The following CTNNA2 variants were observed in gnomAD, a reference collection of about 807,000 sequenced individuals.
CTNNA2 encodes catenin alpha-2.
In CTNNA2, 42 loss-of-function variants were observed where a neutral mutation model predicts 101.0. The observed-to-expected ratio is 0.42, with a 90% CI of 0.32 to 0.54. CTNNA2 has a LOEUF of 0.54. Ranked by LOEUF, CTNNA2 falls within the 20% of genes least tolerant of loss-of-function variation. CTNNA2 has a pLI of 0.14. For synonymous variants in CTNNA2, 450 were observed against 456.4 expected, an observed-to-expected ratio of 0.99 and a Z score of 0.18; for missense variants, 871 against 1,223.1, an observed-to-expected ratio of 0.71 and a Z score of 4.29.
intron 1 of CTNNA2, among the ~76,000 whole-genome samples, chr2:79,526,918 T>C (rs1672439104): frequency 6.6e-6 from 1 of 152,176 alleles, no homozygotes; most frequent in African/African-American, 2.4e-5. Context: ...TTAGTGACCT[T>C]GGATTAGGCA....
At chr2:79,961,238 C>G (rs148487550) in intron 7 of CTNNA2, among the ~76,000 whole-genome samples, 2 of 152,132 alleles carry the variant, frequency 1.3e-5, no homozygotes, top group Non-Finnish European at 2.9e-5. Flanking sequence ...TGGGCCTCTA[C>G]TATGTGCTGG....
chr2:79,587,033 T>C (rs544996666), intron 1 of CTNNA2, among the ~76,000 whole-genome samples: 3 of 152,322 alleles, frequency 2.0e-5, no homozygotes, highest in Non-Finnish European at 4.4e-5. Context: ...TATTCCATGA[T>C]GTATATATAC....
At chr2:79,665,638 T>C (rs1682363554) in intron 2 of CTNNA2, among the ~76,000 whole-genome samples, 1 of 152,192 alleles carries the variant, frequency 6.6e-6, no homozygotes, top group Admixed American at 6.5e-5. Context: ...TTTAAAAATA[T>C]TTTTAAACAT....
At chr2:80,375,217 A>G (rs1307522502) in intron 7 of CTNNA2, among the ~76,000 whole-genome samples, 1 of 152,106 alleles carries the variant, frequency 6.6e-6, no homozygotes, top group East Asian at 1.9e-4. Context: ...GACACAAGGG[A>G]GAAGAGAGGG....
intron 7 of CTNNA2, among the ~76,000 whole-genome samples, chr2:80,275,296 A>C (rs965386338): frequency 2.0e-5 from 3 of 152,206 alleles, no homozygotes; most frequent in South Asian, 2.1e-4. Flanking sequence ...GATCTCCCAC[A>C]TTGGTCAAAC....
At chr2:79,775,856 T>C (rs896999593) in intron 3 of CTNNA2, among the ~76,000 whole-genome samples, 4 of 152,166 alleles carry the variant, frequency 2.6e-5, no homozygotes, top group Non-Finnish European at 5.9e-5. Flanking sequence ...CTTGTTGCAT[T>C]TCTAAATTTA....
intron 4 of CTNNA2, among the ~76,000 whole-genome samples, chr2:79,434,789 G>C (rs1678695944): frequency 6.6e-6 from 1 of 152,194 alleles, no homozygotes; most frequent in African/African-American, 2.4e-5. Context: ...GTGGTGCTGA[G>C]CTAATACTTC....
At chr2:79,485,382 G>A (rs560097644) in intron 4 of CTNNA2, among the ~76,000 whole-genome samples, 1 of 152,254 alleles carries the variant, frequency 6.6e-6, no homozygotes, top group South Asian at 2.1e-4. Flanking sequence ...TGCTACTCAT[G>A]CTTAACAAAA....
Position 79,698,746 on chromosome 2 carries a change from G to A in CTNNA2, c.103-45641G>A, listed in dbSNP as rs76174743. ...GTATGTGTGTACATGTTGCATATGG[G>A]TGCATGGTGTTTATGTGATCTTGAG... On this transcript the variant is annotated intron_variant, in intron 2 of 18. Coordinates refer to ENST00000402739, the MANE Select transcript of CTNNA2 (RefSeq NM_001282597.3). Among the ~76,000 whole-genome samples the A allele has an allele frequency of 4.9e-3, 743 of 152,156 alleles. 10 individuals are homozygous for A. The highest frequency in any genetic ancestry group is 0.017 in the African/African-American group (712 of 41,540).
At chr2:80,113,580 C>T (rs964064242) in intron 7 of CTNNA2, among the ~76,000 whole-genome samples, 2 of 152,178 alleles carry the variant, frequency 1.3e-5, no homozygotes, top group Non-Finnish European at 2.9e-5. Flanking sequence ...CAGCCACGCT[C>T]ATTTGTTTAC....
chr2:80,519,858 C>T (rs1045169855), intron 9 of CTNNA2, among the ~76,000 whole-genome samples: 1 of 152,152 alleles, frequency 6.6e-6, no homozygotes, highest in Non-Finnish European at 1.5e-5. Flanking sequence ...CCCATAATGG[C>T]CAGGTGTCCT....
At chr2:80,587,640 C>T (rs534722181) in intron 14 of CTNNA2, among the ~76,000 whole-genome samples, 8 of 152,208 alleles carry the variant, frequency 5.3e-5, no homozygotes, top group Middle Eastern at 3.4e-3. Flanking sequence ...CTCTATTAGA[C>T]CTTAGTTATA....
At position 79,941,013 on chromosome 2, in the gene CTNNA2, T is replaced by C. The variant is rs532436431; in HGVS notation, c.1056+31216T>C. ...AAGAGTGATCTTTATAGCATGAATT[T>C]CAGAAGCCACAAGAAGCCTACTGAG... On this transcript the variant is annotated intron_variant, in intron 7 of 18. Coordinates refer to ENST00000402739, the MANE Select transcript of CTNNA2 (RefSeq NM_001282597.3). Among the ~76,000 whole-genome samples the C allele has an allele frequency of 2.0e-5, 3 of 152,272 alleles. No individual in the cohort carries two copies. The South Asian group carries it at 6.2e-4, about 32-fold the overall frequency.
chr2:79,760,586 T>C (rs1672724357), intron 3 of CTNNA2, among the ~76,000 whole-genome samples: 2 of 152,200 alleles, frequency 1.3e-5, no homozygotes, highest in South Asian at 4.1e-4. Flanking sequence ...TTTACTTAAA[T>C]GTTAACTATA....
chr2:79,660,870 C>G (rs1036211701), intron 2 of CTNNA2, among the ~76,000 whole-genome samples: 1 of 152,066 alleles, frequency 6.6e-6, no homozygotes, highest in African/African-American at 2.4e-5. Context: ...CCAAAGTGGG[C>G]TTAAACTAGT....
At chr2:80,250,204 A>AGAGTGT (rs1553476557) in intron 7 of CTNNA2, among the ~76,000 whole-genome samples, 185 of 96,492 alleles carry the variant, frequency 1.9e-3, no homozygotes, top group Admixed American at 3.9e-3. Flanking sequence ...AGAGAGAGAG[A>AGAGTGT]GTGTGTGTGT....
chr2:79,335,318 G>T (rs1676970423), intron 3 of CTNNA2, among the ~76,000 whole-genome samples: 1 of 152,106 alleles, frequency 6.6e-6, no homozygotes, highest in Non-Finnish European at 1.5e-5. Flanking sequence ...CACCTAAAGA[G>T]AACAATACCA....
chr2:79,884,663 A>C (rs1428913778), intron 6 of CTNNA2, among the ~76,000 whole-genome samples: 2 of 151,886 alleles, frequency 1.3e-5, no homozygotes, highest in African/African-American at 4.8e-5. Context: ...ACTCTACATA[A>C]GTTCCCCGTC....
At chr2:79,930,294 G>GAGAA (rs764326702) in intron 7 of CTNNA2, among the ~76,000 whole-genome samples, 210 of 121,982 alleles carry the variant, frequency 1.7e-3, no homozygotes, top group African/African-American at 2.6e-3. Context: ...GAGAGAGAAA[G>GAGAA]AGAAAGAAAG....
Sources: gnomAD v4.1 joint callset for allele counts (sites outside exome capture counted in the v4.1 genomes callset) on GRCh38, gnomAD v4.1.1 for gene constraint, MANE v1.5 for transcripts, NCBI Gene and HGNC (gene_info 2026-07-23, HGNC 2026-07-21) for gene names.